Variants in NINL observed in about 807,000 individuals in gnomAD.
The protein encoded by NINL is ninein like, also known as ninein-like protein.
A neutral mutation model predicts 160.3 loss-of-function variants in NINL; 153 were observed. The ratio of observed to expected loss-of-function variants is 0.95; its 90% confidence interval spans 0.84 to 1.09. The LOEUF is 1.09. Among genes scored for constraint, NINL ranks in the 50% least tolerant of loss-of-function variants. The pLI is 0.00. For missense variants in NINL, 1,829 were observed against 1,764.0 expected (o/e 1.04, Z -0.66); for synonymous variants, 800 against 734.8 (o/e 1.09, Z -1.43).
intron 10 of NINL, among the ~76,000 whole-genome samples, chr20:25,494,715 AG>A (rs2063715689): frequency 1.3e-5 from 2 of 152,152 alleles, no homozygotes; most frequent in Admixed American, 1.3e-4. Context: ...CCTTCTGCCC[AG>A]CACAGATCCG....
At chr20:25,533,700 T>C (rs945445786) in intron 1 of NINL, among the ~76,000 whole-genome samples, 5 of 152,194 alleles carry the variant, frequency 3.3e-5, no homozygotes, top group Admixed American at 6.5e-5. Context: ...CTCCAATAAA[T>C]GCTGCAGGGA....
chr20:25,526,252 G>C (rs757341389), intron 2 of NINL, among the ~76,000 whole-genome samples, 156 bp downstream of exon 2: 1 of 152,214 alleles, frequency 6.6e-6, no homozygotes, highest in Non-Finnish European at 1.5e-5. Context: ...CTACAATGTA[G>C]AATTTCCATA....
At chr20:25,578,578 G>A (rs910271804) in intron 1 of NINL, among the ~76,000 whole-genome samples, 1 of 151,614 alleles carries the variant, frequency 6.6e-6, no homozygotes, top group South Asian at 2.1e-4. Context: ...TGGATCATGA[G>A]GTCAGGAGAC....
Position 25,513,008 on chromosome 20 carries a change from T to G in NINL, c.278-2A>C. The G allele has an allele frequency of 1.9e-6, 3 of 1,593,316 alleles. No homozygotes were observed. Among genetic ancestry groups the G allele is most frequent in the Non-Finnish European group, 2.6e-6 (3 of 1,165,878 alleles). On this transcript the variant is annotated splice_acceptor_variant, in intron 3 of 23. Coordinates refer to ENST00000278886, the MANE Select transcript of NINL (RefSeq NM_025176.6). LOFTEE classifies it high-confidence loss of function. The stretch of plus-strand genomic sequence containing the variant: ...TTGGAGGGATGGCACTGGAGGCAGC[T>G]GGAAAGGAAACAGGAAATTTGGTGG...
chr20:25,555,602 C>T (rs1261291683), intron 1 of NINL, among the ~76,000 whole-genome samples: 1 of 152,176 alleles, frequency 6.6e-6, no homozygotes, highest in East Asian at 1.9e-4. Flanking sequence ...GTGGTGGCTT[C>T]TGCCTGTAAT....
chr20:25,525,798 GT>G (rs1292391462), intron 2 of NINL, among the ~76,000 whole-genome samples: 8 of 152,300 alleles, frequency 5.3e-5, no homozygotes, highest in African/African-American at 1.9e-4. Flanking sequence ...GCTTTTTAGT[GT>G]TTTGATCATG....
intron 22 of NINL, among the ~76,000 whole-genome samples, chr20:25,456,397 A>G (rs1228082818): frequency 6.7e-6 from 1 of 150,248 alleles, no homozygotes; most frequent in East Asian, 2.0e-4. Flanking sequence ...AAATACAAAA[A>G]ATCAGCCGGG....
At chr20:25,584,843 A>G (rs2065210196) in intron 1 of NINL, among the ~76,000 whole-genome samples, 1 of 152,224 alleles carries the variant, frequency 6.6e-6, no homozygotes, top group Non-Finnish European at 1.5e-5. Context: ...AGACTCCCAC[A>G]TGGTGTGTGT....
chr20:25,551,050 G>T (rs1342874405), intron 1 of NINL, among the ~76,000 whole-genome samples: 3 of 152,220 alleles, frequency 2.0e-5, no homozygotes, highest in African/African-American at 7.2e-5. Flanking sequence ...AGTGCATTGT[G>T]TCCCTGGGTA....
At chr20:25,533,860 A>C (rs2064510701) in intron 1 of NINL, among the ~76,000 whole-genome samples, 2 of 152,252 alleles carry the variant, frequency 1.3e-5, no homozygotes, top group South Asian at 4.1e-4. Context: ...GTTTTAACTA[A>C]AATAGTGTAA....
chr20:25,559,475 G>A (rs1016640884), intron 1 of NINL, among the ~76,000 whole-genome samples: 6 of 152,238 alleles, frequency 3.9e-5, no homozygotes, highest in Non-Finnish European at 7.4e-5. Flanking sequence ...TCTTGACCTC[G>A]TAATCTGCCT....
At chr20:25,474,459 C>G (rs574248223) in intron 17 of NINL, among the ~76,000 whole-genome samples, 1 of 152,326 alleles carries the variant, frequency 6.6e-6, no homozygotes, top group East Asian at 1.9e-4. Flanking sequence ...GTCTCTGACA[C>G]GGACAGCAGA....
intron 18 of NINL, among the ~76,000 whole-genome samples, chr20:25,467,773 T>C (rs2062955351): frequency 6.6e-6 from 1 of 152,214 alleles, no homozygotes; most frequent in Non-Finnish European, 1.5e-5. Context: ...CATTCCTCAA[T>C]CAAATACATG....
At chr20:25,500,457 T>C (rs1362641098) in intron 8 of NINL, among the ~76,000 whole-genome samples, 1 of 152,162 alleles carries the variant, frequency 6.6e-6, no homozygotes, top group African/African-American at 2.4e-5. Flanking sequence ...CCGGGCTCAC[T>C]CTGAGATCAT....
Position 25,476,487 on chromosome 20 carries a change from T to C in NINL, c.2804A>G (p.Gln935Arg). ...PFGASAAGLE[Q>R]PGARELPLLG... ...CAGAGGCAGCTCCCGGGCTCCAGGCTGCTCCAGCCCCGCTGCGCTCGCGCC... is the reference window on the plus strand; with the variant it reads ...CAGAGGCAGCTCCCGGGCTCCAGGCCGCTCCAGCCCCGCTGCGCTCGCGCC... Residue 935 changes from glutamine to arginine, a missense_variant, in exon 17 of 24, where the codon CAG (glutamine) becomes CGG (arginine). By Grantham distance (43) the Gln-to-Arg change is conservative. Coordinates refer to ENST00000278886, the MANE Select transcript of NINL (RefSeq NM_025176.6). 1 of 1,605,346 alleles carries C rather than the reference T, an allele frequency of 6.2e-7. No individual in the cohort carries two copies. The highest frequency in any genetic ancestry group is 1.6e-4 in the Middle Eastern group (1 of 6,062).
chr20:25,455,849 T>C (rs780254600), intron 22 of NINL, 63 bp from the exon 23 acceptor site: 1 of 1,377,034 alleles, frequency 7.3e-7, no homozygotes, highest in Non-Finnish European at 1.0e-6. Context: ...TCCCAGCACT[T>C]TGGGAGGCCG....
chr20:25,455,687 T>A lies in NINL; in HGVS notation c.3943A>T (p.Lys1315Ter). ...CCATCACTCACCTGCTCCTTCAGCT[T>A]ATCCACTTTCTCTTGGAGGAGCATT... ...MEMLLQEKVD[K>*]LKEQFEKNTK... The change falls in exon 23 of 24, where the codon AAG becomes TAG. Residue 1315 changes from lysine to a stop codon, truncating the protein, a stop_gained. Transcript: ENST00000278886. LOFTEE classifies it low-confidence loss of function (END_TRUNC). 1.9e-6 allele frequency: 3 copies of A among 1,613,444 alleles called. No homozygotes were observed. The highest frequency in any genetic ancestry group is 2.5e-6 in the Non-Finnish European group (3 of 1,179,312).
Position 25,476,090 on chromosome 20 carries a change from G to C in NINL, c.3201C>G (p.Asp1067Glu), listed in dbSNP as rs202094444. ...DMETKLLHLEDVVRALEKHVD... is the reference protein window; with the variant it reads ...DMETKLLHLEEVVRALEKHVD... ...CATGTTTCTCCAGAGCCCGGACGACGTCTTCCAGATGTAGAAGTTTGGTTT... is the reference window on the plus strand; with the variant it reads ...CATGTTTCTCCAGAGCCCGGACGACCTCTTCCAGATGTAGAAGTTTGGTTT... Residue 1067 changes from aspartate (D) to glutamate (E), a missense_variant, in exon 17 of 24, where the codon GAC becomes GAG. Physicochemically the swap from Asp to Glu is conservative, Grantham distance 45. Transcript: ENST00000278886. The C allele has an allele frequency of 2.0e-5, 32 of 1,614,030 alleles. No homozygotes were observed. The highest frequency in any genetic ancestry group is 2.5e-5 in the Non-Finnish European group (30 of 1,179,856).
chr20:25,583,144 A>T (rs1487419070), intron 1 of NINL, among the ~76,000 whole-genome samples: 1 of 152,228 alleles, frequency 6.6e-6, no homozygotes, highest in Non-Finnish European at 1.5e-5. Context: ...ATCTAACCTA[A>T]GAGCTTCTCC....
Sources: gnomAD v4.1 joint callset for allele counts (sites outside exome capture counted in the v4.1 genomes callset) on GRCh38, gnomAD v4.1.1 for gene constraint, MANE v1.5 for transcripts, NCBI Gene and HGNC (gene_info 2026-07-23, HGNC 2026-07-21) for gene names.